Variants in GPATCH2 observed in about 807,000 individuals in gnomAD.
GPATCH2 encodes the protein G patch domain-containing protein 2.
GPATCH2 carries 51 observed loss-of-function variants against 58.0 expected under a neutral mutation model. That is an observed-to-expected ratio of 0.88 (90% confidence interval 0.70 to 1.11). The LOEUF is 1.11. Among genes scored for constraint, GPATCH2 ranks in the 50% most tolerant of loss-of-function variants. The pLI is 0.00. For synonymous variants in GPATCH2, 222 were observed against 218.5 expected (o/e 1.02, Z -0.14); for missense variants, 625 against 652.2 (o/e 0.96, Z 0.45).
intron 5 of GPATCH2, among the ~76,000 whole-genome samples, chr1:217,581,886 G>A (rs1172505919): frequency 6.6e-6 from 1 of 152,182 alleles, no homozygotes; most frequent in African/African-American, 2.4e-5. Flanking sequence ...GGGAGGCAGA[G>A]GTTGCAGTGA....
At chr1:217,582,153 C>G (rs987928572) in intron 5 of GPATCH2, among the ~76,000 whole-genome samples, 4 of 152,126 alleles carry the variant, frequency 2.6e-5, no homozygotes, top group African/African-American at 9.7e-5. Flanking sequence ...TCACTCTCCC[C>G]TACTTCTTTT....
At chr1:217,539,064 C>T (rs527476987) in intron 5 of GPATCH2, among the ~76,000 whole-genome samples, 7 of 151,966 alleles carry the variant, frequency 4.6e-5, no homozygotes, top group African/African-American at 7.2e-5. Flanking sequence ...TTCTGTGTGT[C>T]GATAATTAAA....
At chr1:217,433,361 C>CACATAT (rs1491151192) in intron 9 of GPATCH2, among the ~76,000 whole-genome samples, 46 of 118,464 alleles carry the variant, frequency 3.9e-4, no homozygotes, top group Middle Eastern at 9.7e-3. Context: ...TTAAGCTGTT[C>CACATAT]ATATATATAT....
chr1:217,506,894 C>T (rs532596694), intron 6 of GPATCH2, among the ~76,000 whole-genome samples: 6 of 152,284 alleles, frequency 3.9e-5, no homozygotes, highest in South Asian at 4.1e-4. Context: ...ATTAGCCGTC[C>T]CCATCTCAAT....
intron 8 of GPATCH2, among the ~76,000 whole-genome samples, chr1:217,469,539 G>A (rs1363832693): frequency 6.6e-6 from 1 of 152,010 alleles, no homozygotes; most frequent in African/African-American, 2.4e-5. Flanking sequence ...TAAAAACATA[G>A]TTATAACTCT....
At chr1:217,613,382 T>C (rs1439923281) in intron 3 of GPATCH2, among the ~76,000 whole-genome samples, 1 of 152,160 alleles carries the variant, frequency 6.6e-6, no homozygotes, top group Non-Finnish European at 1.5e-5. Flanking sequence ...AAAATTTATA[T>C]TAGTGTTTTT....
chr1:217,617,159 A>C (rs1294411005), intron 2 of GPATCH2, among the ~76,000 whole-genome samples: 1 of 152,204 alleles, frequency 6.6e-6, no homozygotes, highest in East Asian at 1.9e-4. Flanking sequence ...TTACCATAGC[A>C]GATAGACCTC....
intron 5 of GPATCH2, among the ~76,000 whole-genome samples, chr1:217,524,610 G>A (rs1420502249): frequency 1.3e-5 from 2 of 151,652 alleles, no homozygotes; most frequent in African/African-American, 4.8e-5. Context: ...TGCAATCCCG[G>A]CACCTCGGGA....
At chr1:217,613,459 T>C (rs1441925223) in intron 3 of GPATCH2, among the ~76,000 whole-genome samples, 2 of 152,118 alleles carry the variant, frequency 1.3e-5, no homozygotes, top group Non-Finnish European at 2.9e-5. Context: ...GTGATAGGTA[T>C]CTGTATGTAT....
Position 217,620,036 on chromosome 1 carries a change from C to G in GPATCH2, c.520G>C (p.Asp174His). 1 of 1,613,988 alleles carries G rather than the reference C, an allele frequency of 6.2e-7. No homozygotes were observed. The highest frequency in any genetic ancestry group is 2.2e-5 in the East Asian group (1 of 44,888). Reference sequence around the variant, plus strand: ...GTCATTGTCCGTTTGTTAGAGATGTCCTGTGGGAGATCTACTGCCATGCGT... The same window carrying G: ...GTCATTGTCCGTTTGTTAGAGATGTGCTGTGGGAGATCTACTGCCATGCGT... The part of the protein sequence containing the change: ...VKRMAVDLPQ[D>H]ISNKRTMTQP... Residue 174 changes from aspartate (D) to histidine (H), a missense_variant, in exon 2 of 10, where the codon GAC becomes CAC. Transcript: ENST00000366935.
At chr1:217,468,915 T>C (rs1475551603) in intron 8 of GPATCH2, among the ~76,000 whole-genome samples, 4 of 152,264 alleles carry the variant, frequency 2.6e-5, no homozygotes, top group African/African-American at 4.8e-5. Flanking sequence ...TTTTCTATGA[T>C]AAAATATTGT....
At chr1:217,607,251 C>T (rs926198661) in intron 5 of GPATCH2, among the ~76,000 whole-genome samples, 1 of 152,052 alleles carries the variant, frequency 6.6e-6, no homozygotes, top group African/African-American at 2.4e-5. Flanking sequence ...GTTGAGTTGC[C>T]CGACATACAC....
intron 3 of GPATCH2, 41 bp downstream of exon 3, chr1:217,614,100 A>G: frequency 1.9e-6 from 2 of 1,078,634 alleles, no homozygotes; most frequent in Non-Finnish European, 2.9e-6. Flanking sequence ...TTTAGAATGA[A>G]GAAGTTTTTC....
At chr1:217,524,928 GGAGAGGGGAGAGGGA>G (rs1663800823) in intron 5 of GPATCH2, among the ~76,000 whole-genome samples, 1 of 41,886 alleles carries the variant, frequency 2.4e-5, no homozygotes, top group East Asian at 7.6e-4. Context: ...GGGGGAGAGG[GGAGAGGGGAGAGGGA>G]GATTTCAGTT....
chr1:217,489,101 T>TA (rs1019931341), intron 8 of GPATCH2, among the ~76,000 whole-genome samples: 2 of 140,818 alleles, frequency 1.4e-5, no homozygotes, highest in Admixed American at 7.2e-5. Flanking sequence ...TTCTCTTCAC[T>TA]TTTTTTTTTT....
At chr1:217,546,927 G>A (rs1665082597) in intron 5 of GPATCH2, among the ~76,000 whole-genome samples, 1 of 151,952 alleles carries the variant, frequency 6.6e-6, no homozygotes, top group Admixed American at 6.6e-5. Flanking sequence ...TTAAGAAGTG[G>A]GTAAAGGACA....
intron 5 of GPATCH2, among the ~76,000 whole-genome samples, chr1:217,550,985 A>G (rs1665332698): frequency 6.6e-6 from 1 of 151,882 alleles, no homozygotes; most frequent in Non-Finnish European, 1.5e-5. Flanking sequence ...TTTTGCTTAC[A>G]TGGACAGATG....
chr1:217,586,480 G>C (rs1667346143), intron 5 of GPATCH2, among the ~76,000 whole-genome samples: 1 of 151,728 alleles, frequency 6.6e-6, no homozygotes. Flanking sequence ...CCCACATCTT[G>C]TCTCACTGGA....
intron 8 of GPATCH2, among the ~76,000 whole-genome samples, chr1:217,482,062 A>G (rs1475385449): frequency 1.3e-5 from 2 of 152,138 alleles, no homozygotes; most frequent in Non-Finnish European, 2.9e-5. Context: ...TGAGAGAGAG[A>G]GAGAGGGTCA....
Sources: gnomAD v4.1 joint callset for allele counts (sites outside exome capture counted in the v4.1 genomes callset) on GRCh38, gnomAD v4.1.1 for gene constraint, MANE v1.5 for transcripts, NCBI Gene and HGNC (gene_info 2026-07-23, HGNC 2026-07-21) for gene names.